Variants in ALDH1A3 observed in about 807,000 individuals in gnomAD.
ALDH1A3 encodes the protein retinaldehyde dehydrogenase 3.
In ALDH1A3, 28 loss-of-function variants were observed where a neutral mutation model predicts 57.5. The observed-to-expected ratio is 0.49, with a 90% CI of 0.36 to 0.67. The LOEUF is 0.67. Among genes scored for constraint, ALDH1A3 ranks in the 30% least tolerant of loss-of-function variants. The pLI is 0.00. For missense variants in ALDH1A3, 507 were observed against 669.4 expected, an observed-to-expected ratio of 0.76 and a Z score of 2.68; for synonymous variants, 281 against 264.8, an observed-to-expected ratio of 1.06 and a Z score of -0.59.
At position 100,889,128 on chromosome 15, in the gene ALDH1A3, T is replaced by A. The variant is rs1430333456; in HGVS notation, c.345+1416T>A. The A allele has an allele frequency of 6.6e-6, 1 of 152,204 alleles. No individual in the cohort carries two copies. Among genetic ancestry groups the A allele is most frequent in the Non-Finnish European group, 1.5e-5 (1 of 68,036 alleles). 9.4% of individuals were successfully genotyped at this position (152,204 alleles called of 1,614,324 possible). ...CATCCTGTCCTTGCCCATCTCAGCC[T>A]CTTGTTTTTAAAAGTTGTTCCAAAC... On this transcript the variant is annotated intron_variant, in intron 3 of 12. Transcript: ENST00000329841. The surrounding 1 kb of genome is among the most constrained non-coding windows in gnomAD (Gnocchi z 5.1).
In ALDH1A3 at chr15:100,915,774, C is replaced by T. The variant is rs1281625241; in HGVS notation, c.*1001C>T. ...TGGAAAGACTGCTGTAATAACACAG[C>T]CTTGTTATTTTTAAGTCCTATTTTG... is the stretch of plus-strand genomic sequence containing the variant. On this transcript the variant is annotated 3_prime_UTR_variant, in exon 13 of 13. Coordinates refer to ENST00000329841, the MANE Select transcript of ALDH1A3 (RefSeq NM_000693.4). 6.6e-6 allele frequency: 1 copy of T among 152,174 alleles called. No individual in the cohort carries two copies. The highest frequency in any genetic ancestry group is 1.5e-5 in the Non-Finnish European group (1 of 68,030). The allele number at this position is 152,174 out of a possible 1,614,324, so 9.4% of individuals were successfully genotyped here.
chr15:100,889,792 G>T lies in ALDH1A3; in HGVS notation c.345+2080G>T, dbSNP rs1382190491. 6.6e-6 allele frequency among the ~76,000 whole-genome samples: 1 copy of T among 152,186 alleles called. No homozygotes were observed. Among genetic ancestry groups the T allele is most frequent in the Non-Finnish European group, 1.5e-5 (1 of 68,042 alleles). Reference sequence around the variant, plus strand: ...AATGCAAACCCAGCAAATCACTTCTGCCACTGGCACCTCGCAGCCCACGAG... The same window carrying T: ...AATGCAAACCCAGCAAATCACTTCTTCCACTGGCACCTCGCAGCCCACGAG... On this transcript the variant is annotated intron_variant, in intron 3 of 12. Coordinates refer to ENST00000329841, the MANE Select transcript of ALDH1A3 (RefSeq NM_000693.4). This position sits in a 1 kb window ranked among gnomAD's most constrained non-coding sequence, Gnocchi z 5.1.
intron 7 of ALDH1A3, 125 bp downstream of exon 7, chr15:100,896,171 A>G: frequency 1.3e-6 from 1 of 741,094 alleles, no homozygotes; most frequent in South Asian, 2.0e-5. Context: ...GTTTTAGTAC[A>G]TAACAACCAG....
At position 100,906,585 on chromosome 15, in the gene ALDH1A3, A is replaced by G. The variant is rs1489638952; in HGVS notation, c.1234-536A>G. 6.6e-6 allele frequency among the ~76,000 whole-genome samples: 1 copy of G among 152,222 alleles called. No homozygotes were observed. The highest frequency in any genetic ancestry group is 1.9e-4 in the East Asian group (1 of 5,204). ...AAGCTCCCTTCAAAATCACCTTTAA[A>G]TGTTCAAGCCTTAGTTCTTCCATTT... On this transcript the variant is annotated intron_variant, in intron 10 of 12. Transcript: ENST00000329841. This position sits in a 1 kb window ranked among gnomAD's most constrained non-coding sequence, Gnocchi z 4.8.
At chr15:100,911,639 G>A (rs1455469155) in intron 12 of ALDH1A3, among the ~76,000 whole-genome samples, 1 of 152,232 alleles carries the variant, frequency 6.6e-6, no homozygotes, top group African/African-American at 2.4e-5. Flanking sequence ...TTCTGGTGAG[G>A]TTTAACAGGA....
Position 100,907,197 on chromosome 15 carries a change from A to G in ALDH1A3, c.1310A>G (p.Tyr437Cys), listed in dbSNP as rs369860247. ...ATAAAAAGAGCGAATAGCACCGACTATGGACTCACAGCAGCCGTGTTCACA... is the reference window on the plus strand; with the variant it reads ...ATAAAAAGAGCGAATAGCACCGACTGTGGACTCACAGCAGCCGTGTTCACA... ...EVIKRANSTD[Y>C]GLTAAVFTKN... The change falls in exon 11 of 13, where the codon TAT becomes TGT. Residue 437 changes from tyrosine (Y) to cysteine (C), a missense_variant. Physicochemically the swap from Tyr to Cys is radical, Grantham distance 194 (BLOSUM62 -2). Transcript: ENST00000329841. 4.3e-6 allele frequency: 7 copies of G among 1,614,088 alleles called. No individual in the cohort carries two copies. Among genetic ancestry groups the G allele is most frequent in the African/African-American group, 1.3e-5 (1 of 74,926 alleles).
rs1250137713 is a variant in ALDH1A3 at position 100,908,395 on chromosome 15, C to T, written c.1392-13C>T. 6.2e-7 allele frequency: 1 copy of T among 1,612,238 alleles called. No individual in the cohort carries two copies. Among genetic ancestry groups the T allele is most frequent in the African/African-American group, 1.3e-5 (1 of 75,006 alleles). ...CTCCAGATGACTCTGAGCTTTCTTCCATTCTTTTCTAGGATCAACTGCTAC... is the reference window on the plus strand; with the variant it reads ...CTCCAGATGACTCTGAGCTTTCTTCTATTCTTTTCTAGGATCAACTGCTAC... On this transcript the variant is annotated splice_polypyrimidine_tract_variant and intron_variant, in intron 11 of 12. Transcript: ENST00000329841.
At position 100,894,263 on chromosome 15, in the gene ALDH1A3, G is replaced by C. The variant is rs572743580; in HGVS notation, c.666+181G>C. The C allele has an allele frequency of 1.4e-6, 1 of 693,604 alleles. No individual in the cohort carries two copies. Among genetic ancestry groups the C allele is most frequent in the African/African-American group, 1.8e-5 (1 of 55,584 alleles). The allele number at this position is 693,604 out of a possible 1,614,324, so 43.0% of individuals were successfully genotyped here. The stretch of plus-strand genomic sequence containing the variant: ...TCTCCTGCTTGTGGCCACTGAGCTG[G>C]AGAAACTCCATTCCTCCCAGTGGTC... On this transcript the variant is annotated intron_variant, in intron 6 of 12. Transcript: ENST00000329841. The surrounding 1 kb of genome is among the most constrained non-coding windows in gnomAD (Gnocchi z 4.5).
intron 3 of ALDH1A3, among the ~76,000 whole-genome samples, chr15:100,890,077 C>T (rs1202385187): frequency 6.6e-6 from 1 of 152,178 alleles, no homozygotes; most frequent in African/African-American, 2.4e-5. Flanking sequence ...GCTGGGGCAC[C>T]CAGGCCCCAA....
chr15:100,880,390 GC>G (rs1239367819), intron 1 of ALDH1A3: 3 of 371,980 alleles, frequency 8.1e-6, no homozygotes, highest in African/African-American at 6.3e-5. Flanking sequence ...AAAAACCCCT[GC>G]GATGATTTCC....
At chr15:100,904,262 TG>T (rs1246007394) in intron 9 of ALDH1A3, among the ~76,000 whole-genome samples, 1 of 152,042 alleles carries the variant, frequency 6.6e-6, no homozygotes, top group African/African-American at 2.4e-5. Context: ...GTTTGGAGTT[TG>T]GCCTGGTATA....
chr15:100,905,502 C>T, intron 9 of ALDH1A3, 21 bp from the exon 10 acceptor site: 1 of 1,614,110 alleles, frequency 6.2e-7, no homozygotes, highest in East Asian at 2.2e-5. Flanking sequence ...CCAGGCTGTA[C>T]TTCTTGTTTG....
Position 100,889,222 on chromosome 15 carries a change from T to G in ALDH1A3, c.345+1510T>G, listed in dbSNP as rs1297351353. The G allele has an allele frequency of 6.6e-6, 1 of 152,206 alleles. No individual in the cohort carries two copies. Among genetic ancestry groups the G allele is most frequent in the Non-Finnish European group, 1.5e-5 (1 of 68,036 alleles). 9.4% of individuals were successfully genotyped at this position (152,206 alleles called of 1,614,324 possible). On this transcript the variant is annotated intron_variant, in intron 3 of 12. Transcript: ENST00000329841. The surrounding 1 kb of genome is among the most constrained non-coding windows in gnomAD (Gnocchi z 5.1). ...TGATTTGGAAAAATGGTTTTTCTGA[T>G]GTCGGGAACAAGCAGTAGGGTAGCC...
rs1368335668 is a variant in ALDH1A3 at position 100,915,038 on chromosome 15, C to T, written c.*265C>T. 8.5e-6 allele frequency: 4 copies of T among 470,516 alleles called. No individual in the cohort carries two copies. Among genetic ancestry groups the T allele is most frequent in the Non-Finnish European group, 1.2e-5 (3 of 257,100 alleles). The allele number at this position is 470,516 out of a possible 1,614,324, so 29.1% of individuals were successfully genotyped here. On this transcript the variant is annotated 3_prime_UTR_variant, in exon 13 of 13. Coordinates refer to ENST00000329841, the MANE Select transcript of ALDH1A3 (RefSeq NM_000693.4). ...TTCTGTGTTTCCCTTTAAACCAGAT[C>T]CTGGAGACAGTGAGATACTCAGGGC... is the stretch of plus-strand genomic sequence containing the variant.
chr15:100,907,192 C>G lies in ALDH1A3; in HGVS notation c.1305C>G (p.Thr435=). The change falls in exon 11 of 13, where the codon ACC becomes ACG. Residue 435 remains threonine, a synonymous_variant. Transcript: ENST00000329841. ...IEEVIKRANS[T]DYGLTAAVFT... is the part of the protein sequence containing the mutation. Reference sequence around the variant, plus strand: ...AAGTGATAAAAAGAGCGAATAGCACCGACTATGGACTCACAGCAGCCGTGT... The same window carrying G: ...AAGTGATAAAAAGAGCGAATAGCACGGACTATGGACTCACAGCAGCCGTGT... 6.2e-7 allele frequency: 1 copy of G among 1,614,046 alleles called. No individual in the cohort carries two copies. Among genetic ancestry groups the G allele is most frequent in the Non-Finnish European group, 8.5e-7 (1 of 1,179,996 alleles).
At chr15:100,885,474 G>A in intron 2 of ALDH1A3, 103 bp downstream of exon 2, 2 of 833,340 alleles carry the variant, frequency 2.4e-6, no homozygotes, top group South Asian at 3.0e-5. Flanking sequence ...GCCTATCCTG[G>A]GGGCAGGGCC....
At chr15:100,898,224 G>C in intron 8 of ALDH1A3, 39 bp downstream of exon 8, 1 of 1,567,186 alleles carries the variant, frequency 6.4e-7, no homozygotes, top group South Asian at 1.1e-5. Flanking sequence ...GGGGCTTCAG[G>C]GCATCCATCT....
chr15:100,895,094 C>A (rs1200817157), intron 6 of ALDH1A3: 1 of 152,094 alleles, frequency 6.6e-6, no homozygotes, highest in East Asian at 1.9e-4. Flanking sequence ...CCAGGTGAGA[C>A]CCAGGTTGAA....
Position 100,906,435 on chromosome 15 carries a change from A to G in ALDH1A3, c.1234-686A>G, listed in dbSNP as rs2041822880. On this transcript the variant is annotated intron_variant, in intron 10 of 12. Coordinates refer to ENST00000329841, the MANE Select transcript of ALDH1A3 (RefSeq NM_000693.4). This position sits in a 1 kb window ranked among gnomAD's most constrained non-coding sequence, Gnocchi z 4.8. ...TTCCTTGAGATTGTTATGTGCCGTG[A>G]TGGCATGAAGCTCAGCTCCTTAAAC... Among the ~76,000 whole-genome samples, 1 of 152,172 alleles carries G rather than the reference A, an allele frequency of 6.6e-6. No homozygotes were observed. The highest frequency in any genetic ancestry group is 6.5e-5 in the Admixed American group (1 of 15,278).
Sources: allele counts gnomAD v4.1 joint callset (sites outside exome capture counted in the v4.1 genomes callset), GRCh38; gene constraint gnomAD v4.1.1; non-coding constraint Gnocchi (gnomAD v3.1); transcripts MANE v1.5; gene names NCBI Gene and HGNC (gene_info 2026-07-23, HGNC 2026-07-21).